Variants in ANKRD31 observed in about 807,000 individuals in gnomAD.
ANKRD31 encodes ankyrin repeat domain-containing protein 31.
ANKRD31 carries 147 observed loss-of-function variants against 186.0 expected under a neutral mutation model. That is an observed-to-expected ratio of 0.79 (90% CI 0.69 to 0.91). ANKRD31 has a LOEUF of 0.91. ANKRD31 is among the 40% of genes least tolerant of loss of function. The probability of loss-of-function intolerance (pLI) is 0.00; values close to 1 mark genes in which losing one functional copy is unlikely to be tolerated. For missense variants in ANKRD31, 1,986 were observed against 2,148.8 expected (o/e 0.92, Z 1.50); for synonymous variants, 673 against 736.4 (o/e 0.91, Z 1.39).
intron 23 of ANKRD31, among the ~76,000 whole-genome samples, chr5:75,086,873 G>A (rs879543680): frequency 3.3e-5 from 5 of 151,944 alleles, no homozygotes; most frequent in South Asian, 2.1e-4. Flanking sequence ...GTGTGTGTAC[G>A]CGCACGTGTG....
At chr5:75,173,005 C>T (rs570881339) in intron 10 of ANKRD31, among the ~76,000 whole-genome samples, 22 of 152,184 alleles carry the variant, frequency 1.4e-4, no homozygotes, top group African/African-American at 4.3e-4. Context: ...ACTGGCAAAC[C>T]GAATCCAGCA....
At chr5:75,097,186 G>A (rs951501425) in intron 22 of ANKRD31, among the ~76,000 whole-genome samples, 6 of 152,146 alleles carry the variant, frequency 3.9e-5, no homozygotes, top group African/African-American at 7.2e-5. Context: ...GTAATGGGAT[G>A]GCTGGGTCAA....
At chr5:75,169,207 T>C in intron 10 of ANKRD31, 86 bp from the exon 11 acceptor site, 1 of 1,411,606 alleles carries the variant, frequency 7.1e-7, no homozygotes, top group South Asian at 1.4e-5. Flanking sequence ...ACTTTGATTC[T>C]AAGTTCTTTC....
intron 12 of ANKRD31, among the ~76,000 whole-genome samples, chr5:75,150,661 T>C (rs564626217): frequency 6.6e-6 from 1 of 152,044 alleles, no homozygotes; most frequent in East Asian, 1.9e-4. Flanking sequence ...AGGAATAGAT[T>C]AAAGTGGGCA....
At chr5:75,071,300 T>A (rs900696903) in intron 25 of ANKRD31, among the ~76,000 whole-genome samples, 1 of 148,358 alleles carries the variant, frequency 6.7e-6, no homozygotes, top group Non-Finnish European at 1.5e-5. Context: ...ATTTTAATAA[T>A]ATTTAATATT....
chr5:75,128,629 A>C (rs1749456441), intron 17 of ANKRD31, among the ~76,000 whole-genome samples: 2 of 150,678 alleles, frequency 1.3e-5, no homozygotes, highest in African/African-American at 4.9e-5. Context: ...TCAGCCTCCC[A>C]AGTAGCTGAG....
chr5:75,187,194 G>A (rs1196844466), intron 10 of ANKRD31, among the ~76,000 whole-genome samples: 1 of 150,974 alleles, frequency 6.6e-6, no homozygotes, highest in East Asian at 1.9e-4. Flanking sequence ...AACATTGCAG[G>A]TGATTCTATT....
chr5:75,176,228 C>A (rs975281544), intron 10 of ANKRD31, among the ~76,000 whole-genome samples: 1 of 152,172 alleles, frequency 6.6e-6, no homozygotes, highest in African/African-American at 2.4e-5. Context: ...GTTAACAAAG[C>A]GGCCAGGAAG....
intron 11 of ANKRD31, among the ~76,000 whole-genome samples, chr5:75,160,719 A>G (rs1224129879): frequency 6.6e-6 from 1 of 152,188 alleles, no homozygotes; most frequent in Admixed American, 6.5e-5. Flanking sequence ...CTTGAATTGT[A>G]ATACCATAAT....
intron 22 of ANKRD31, among the ~76,000 whole-genome samples, chr5:75,093,944 T>A (rs962425377): frequency 6.6e-6 from 1 of 152,186 alleles, no homozygotes; most frequent in African/African-American, 2.4e-5. Context: ...TAGGCTAATA[T>A]GAATCCACAT....
chr5:75,172,173 G>A (rs935239758), intron 10 of ANKRD31, among the ~76,000 whole-genome samples: 8 of 151,672 alleles, frequency 5.3e-5, no homozygotes, highest in East Asian at 3.9e-4. Context: ...ATAGCAAATC[G>A]AATCCAGCCA....
intron 12 of ANKRD31, among the ~76,000 whole-genome samples, chr5:75,149,097 C>A (rs1402550718): frequency 1.3e-5 from 2 of 151,822 alleles, no homozygotes; most frequent in Non-Finnish European, 2.9e-5. Context: ...AAAAGGCCAA[C>A]CGTCTTGTGA....
Position 75,211,968 on chromosome 5 carries a change from G to C in ANKRD31, c.289-1103C>G, listed in dbSNP as rs1756679005. ...TGGTGGTGTCCTTTGACGCTCAAAA[G>C]TTTTTAATTTTCATGTAATCTAACT... On this transcript the variant is annotated intron_variant, in intron 3 of 25. Coordinates refer to ENST00000506364, the MANE Select transcript of ANKRD31 (RefSeq NM_001372053.1). 1.3e-5 allele frequency among the ~76,000 whole-genome samples: 2 copies of C among 152,014 alleles called. 1 individual carries two copies. The highest frequency in any genetic ancestry group is 4.1e-4 in the South Asian group (2 of 4,830).
At chr5:75,169,264 G>T (rs1301189079) in intron 10 of ANKRD31, 143 bp from the exon 11 acceptor site, 2 of 954,144 alleles carry the variant, frequency 2.1e-6, no homozygotes, top group Non-Finnish European at 3.0e-6. Flanking sequence ...TCACCTGAAA[G>T]CACACTGTAT....
intron 3 of ANKRD31, 90 bp from the exon 4 acceptor site, chr5:75,210,955 G>A (rs1756596943): frequency 1.0e-5 from 9 of 892,880 alleles, no homozygotes; most frequent in Middle Eastern, 3.0e-4. Context: ...TAATTTTTGT[G>A]TTATTCTTTC....
At chr5:75,111,822 T>C (rs999772486) in intron 20 of ANKRD31, among the ~76,000 whole-genome samples, 6 of 152,216 alleles carry the variant, frequency 3.9e-5, no homozygotes, top group Admixed American at 1.3e-4. Context: ...CAGGAAGATA[T>C]CTTTGCAGTA....
At chr5:75,236,516 C>T (rs1361844081) in intron 1 of ANKRD31, 67 bp downstream of exon 1, 7 of 1,337,412 alleles carry the variant, frequency 5.2e-6, no homozygotes, top group Non-Finnish European at 7.1e-6. Flanking sequence ...AAACTCTGAC[C>T]CCCTCAGAGG....
At chr5:75,235,671 G>C (rs1758224446) in intron 1 of ANKRD31, among the ~76,000 whole-genome samples, 1 of 152,160 alleles carries the variant, frequency 6.6e-6, no homozygotes. Context: ...TAGCCTCAGA[G>C]CAGACACCAA....
At chr5:75,176,229 G>A (rs922021177) in intron 10 of ANKRD31, among the ~76,000 whole-genome samples, 22 of 152,204 alleles carry the variant, frequency 1.4e-4, no homozygotes, top group Admixed American at 1.3e-4. Context: ...TTAACAAAGC[G>A]GCCAGGAAGC....
Sources: gnomAD v4.1 joint callset for allele counts (sites outside exome capture counted in the v4.1 genomes callset) on GRCh38, gnomAD v4.1.1 for gene constraint, MANE v1.5 for transcripts, NCBI Gene and HGNC (gene_info 2026-07-23, HGNC 2026-07-21) for gene names.